NEMP2: variants seen among roughly 807,000 people sequenced by gnomAD.
The protein encoded by NEMP2 is nuclear envelope integral membrane protein 2.
Under a neutral mutation model 54.2 loss-of-function variants are expected in NEMP2, and 53 were observed. The observed-to-expected ratio is 0.98, with a 90% CI of 0.78 to 1.23. The LOEUF is 1.23. NEMP2 is among the 50% of genes most tolerant of loss of function. NEMP2 has a pLI of 0.00. For synonymous variants in NEMP2, 197 were observed against 190.3 expected (o/e 1.04, Z -0.29); for missense variants, 455 against 511.3 (o/e 0.89, Z 1.06).
chr2:190,446,824 T>C, the NEMP2 span, among the ~76,000 whole-genome samples: 1 of 152,294 alleles, frequency 6.6e-6, no homozygotes, highest in South Asian at 2.1e-4. Flanking sequence ...AAAGCTGAGC[T>C]TAAATGTCAA....
downstream of NEMP2, chr2:190,501,197 A>C (rs943909925): frequency 3.9e-5 from 6 of 152,342 alleles, no homozygotes; most frequent in African/African-American, 9.6e-5. Context: ...GGAAGGATAC[A>C]ATTTTTAGAA....
the NEMP2 span, among the ~76,000 whole-genome samples, chr2:190,546,303 T>G: frequency 1.3e-5 from 2 of 152,158 alleles, no homozygotes; most frequent in Non-Finnish European, 2.9e-5. The surrounding 1 kb of genome is among the most constrained non-coding windows in gnomAD (Gnocchi z 5.1). Context: ...AACAATACAG[T>G]ATAACAACAA....
chr2:190,581,572 A>C, the NEMP2 span, among the ~76,000 whole-genome samples: 1 of 152,222 alleles, frequency 6.6e-6, no homozygotes, highest in Non-Finnish European at 1.5e-5. Flanking sequence ...GTGCGTGCAC[A>C]TGATTCTGAC....
chr2:190,449,834 G>A, the NEMP2 span, among the ~76,000 whole-genome samples: 34 of 151,818 alleles, frequency 2.2e-4, no homozygotes, highest in East Asian at 1.2e-3. Context: ...TGGACACAGG[G>A]AGGGGAACAT....
At chr2:190,501,061 A>G (rs556175847), downstream of NEMP2, 4 of 152,356 alleles carry the variant, frequency 2.6e-5, no homozygotes, top group Admixed American at 6.5e-5. Flanking sequence ...GCTATTTACT[A>G]TCTTATAGTA....
the NEMP2 span, among the ~76,000 whole-genome samples, chr2:190,571,549 T>TATAATAATAATAATA: frequency 6.7e-6 from 1 of 149,830 alleles, no homozygotes; most frequent in Non-Finnish European, 1.5e-5. Flanking sequence ...TCTCAAAAAA[T>TATAATAATAATAATA]ATAATAATAA....
At position 190,509,336 on chromosome 2, in the gene NEMP2, A is replaced by G; in HGVS notation, c.1131-24T>C. ...ATCTAACAAGTTTTTTGTTTTAAATAAAGTTAATGTTATCTCAGGAAGGTT... is the reference window on the plus strand; with the variant it reads ...ATCTAACAAGTTTTTTGTTTTAAATGAAGTTAATGTTATCTCAGGAAGGTT... On this transcript the variant is annotated intron_variant, in intron 8 of 8. Coordinates refer to ENST00000409150, the MANE Select transcript of NEMP2 (RefSeq NM_001142645.2). The surrounding 1 kb of genome is among the most constrained non-coding windows in gnomAD (Gnocchi z 6.1). 1 of 1,549,830 alleles carries G rather than the reference A, an allele frequency of 6.5e-7. No homozygotes were observed. Among genetic ancestry groups the G allele is most frequent in the Non-Finnish European group, 8.7e-7 (1 of 1,145,528 alleles).
the NEMP2 span, among the ~76,000 whole-genome samples, chr2:190,426,331 G>A: frequency 7.4e-4 from 113 of 152,120 alleles, 2 homozygotes; most frequent in Non-Finnish European, 7.4e-5. The surrounding 1 kb of genome is among the most constrained non-coding windows in gnomAD (Gnocchi z 4.7). Flanking sequence ...GCTTTATTAA[G>A]TGTATCCATT....
rs1690173774 is a variant in NEMP2, at chr2:190,505,811, C to A, written c.*3378G>T. 6.6e-6 allele frequency: 1 copy of A among 152,208 alleles called. No individual in the cohort carries two copies. The highest frequency in any genetic ancestry group is 2.1e-4 in the South Asian group (1 of 4,824). 9.4% of individuals were successfully genotyped at this position (152,208 alleles called of 1,614,324 possible). A position where few individuals can be genotyped will look rare whatever the true frequency, so the allele number is the denominator to read the frequency against. On this transcript the variant is annotated 3_prime_UTR_variant, in exon 9 of 9. Coordinates refer to ENST00000409150, the MANE Select transcript of NEMP2 (RefSeq NM_001142645.2). The surrounding 1 kb of genome is among the most constrained non-coding windows in gnomAD (Gnocchi z 5.8). Reference sequence around the variant, plus strand: ...GAGAGGAAAAAGTTGGCAGGACCTGCATAAAGGAAGGCGTGGTCTTTGTCA... The same window carrying A: ...GAGAGGAAAAAGTTGGCAGGACCTGAATAAAGGAAGGCGTGGTCTTTGTCA...
the NEMP2 span, among the ~76,000 whole-genome samples, chr2:190,429,355 T>A: frequency 6.6e-6 from 1 of 151,558 alleles, no homozygotes; most frequent in Non-Finnish European, 1.5e-5. Flanking sequence ...AGATGGAGTC[T>A]CACTCTGTCG....
At chr2:190,606,911 T>G in the NEMP2 span, among the ~76,000 whole-genome samples, 1 of 152,188 alleles carries the variant, frequency 6.6e-6, no homozygotes, top group Non-Finnish European at 1.5e-5. Context: ...GAAATCTTAT[T>G]CAAATAAGAC....
chr2:190,471,207 C>T, the NEMP2 span, among the ~76,000 whole-genome samples: 3 of 152,220 alleles, frequency 2.0e-5, no homozygotes, highest in African/African-American at 2.4e-5. The surrounding 1 kb of genome is among the most constrained non-coding windows in gnomAD (Gnocchi z 4.7). Flanking sequence ...ACTGAGGTAC[C>T]GGGTTCATCT....
rs181716750 is a variant in NEMP2 at position 190,525,776 on chromosome 2, T to C, written c.98-398A>G. Among the ~76,000 whole-genome samples, 874 of 152,238 alleles carry C rather than the reference T, an allele frequency of 5.7e-3. 13 individuals are homozygous for C. Among genetic ancestry groups the C allele is most frequent in the African/African-American group, 0.02 (846 of 41,538 alleles). ...GAACCAGCAAGTATGTACAGAATCA[T>C]GAAAATGAGATAAATTATGGAATTA... On this transcript the variant is annotated intron_variant, in intron 1 of 8. Transcript: ENST00000409150. The surrounding 1 kb of genome is among the most constrained non-coding windows in gnomAD (Gnocchi z 5.0).
At chr2:190,516,897 C>T (rs1690578178) in intron 5 of NEMP2, among the ~76,000 whole-genome samples, 1 of 152,014 alleles carries the variant, frequency 6.6e-6, no homozygotes, top group African/African-American at 2.4e-5. Context: ...TCAAGACCAG[C>T]CTGGGCAACA....
At chr2:190,559,207 T>A in the NEMP2 span, among the ~76,000 whole-genome samples, 1 of 152,230 alleles carries the variant, frequency 6.6e-6, no homozygotes, top group African/African-American at 2.4e-5. The surrounding 1 kb of genome is among the most constrained non-coding windows in gnomAD (Gnocchi z 4.0). Context: ...TCTGGCTTGA[T>A]TGAATGGCCA....
At chr2:190,623,683 A>T in the NEMP2 span, among the ~76,000 whole-genome samples, 1 of 152,204 alleles carries the variant, frequency 6.6e-6, no homozygotes, top group Non-Finnish European at 1.5e-5. Context: ...TTAAAGACAA[A>T]TCTAAGACCT....
chr2:190,492,237 G>T, the NEMP2 span, among the ~76,000 whole-genome samples: 2 of 152,174 alleles, frequency 1.3e-5, no homozygotes, highest in Admixed American at 6.5e-5. The surrounding 1 kb of genome is among the most constrained non-coding windows in gnomAD (Gnocchi z 5.2). Flanking sequence ...CACATTTGAT[G>T]AAATAATCAA....
At chr2:190,478,516 T>G in the NEMP2 span, among the ~76,000 whole-genome samples, 1 of 152,242 alleles carries the variant, frequency 6.6e-6, no homozygotes. Flanking sequence ...TAGTTTGGAT[T>G]CGTCTGCCTT....
chr2:190,638,586 G>A, the NEMP2 span, among the ~76,000 whole-genome samples: 4 of 152,180 alleles, frequency 2.6e-5, no homozygotes, highest in South Asian at 2.1e-4. This position sits in a 1 kb window ranked among gnomAD's most constrained non-coding sequence, Gnocchi z 5.7. Flanking sequence ...TACTGATGCC[G>A]GAAAAGATAT....
Sources: gnomAD v4.1 joint callset for allele counts (sites outside exome capture counted in the v4.1 genomes callset) on GRCh38, gnomAD v4.1.1 for gene constraint, Gnocchi (gnomAD v3.1) non-coding constraint, MANE v1.5 for transcripts, NCBI Gene and HGNC (gene_info 2026-07-23, HGNC 2026-07-21) for gene names.